Variants in MAGI1 observed in about 807,000 individuals in gnomAD.
MAGI1 encodes the protein membrane-associated guanylate kinase, WW and PDZ domain-containing protein 1.
A neutral mutation model predicts 139.9 loss-of-function variants in MAGI1; 58 were observed. The ratio of observed to expected loss-of-function variants is 0.41; its 90% CI spans 0.34 to 0.52. The LOEUF (loss-of-function observed/expected upper bound fraction) is 0.52. Among genes scored for constraint, MAGI1 ranks in the 20% least tolerant of loss-of-function variants. The pLI, the probability that MAGI1 is intolerant of heterozygous loss-of-function variation, is 0.12. For missense variants in MAGI1, 1,874 were observed against 1,901.6 expected, an observed-to-expected ratio of 0.99 and a Z score of 0.27; for synonymous variants, 812 against 737.9, an observed-to-expected ratio of 1.10 and a Z score of -1.63.
intron 1 of MAGI1, among the ~76,000 whole-genome samples, chr3:65,830,901 T>C (rs985620209): frequency 3.3e-5 from 5 of 152,110 alleles, no homozygotes; most frequent in Non-Finnish European, 7.4e-5. Context: ...TGCAAAACTA[T>C]GGAGAGGGTG....
At chr3:65,856,639 T>C (rs1182171782) in intron 1 of MAGI1, among the ~76,000 whole-genome samples, 4 of 152,182 alleles carry the variant, frequency 2.6e-5, no homozygotes, top group African/African-American at 9.6e-5. Context: ...CATTCTGACA[T>C]ATCTCAGATG....
intron 1 of MAGI1, among the ~76,000 whole-genome samples, chr3:66,001,994 T>G (rs1425337075): frequency 6.6e-6 from 1 of 152,148 alleles, no homozygotes; most frequent in African/African-American, 2.4e-5. Flanking sequence ...ACTTCCCGCC[T>G]CAAGTCTTAT....
chr3:65,943,809 AAG>A (rs955679631), intron 1 of MAGI1, among the ~76,000 whole-genome samples: 1 of 152,196 alleles, frequency 6.6e-6, no homozygotes, highest in African/African-American at 2.4e-5. Flanking sequence ...CAACATATTA[AAG>A]AGTTTCATGT....
At chr3:65,986,579 G>T (rs2065890554) in intron 1 of MAGI1, among the ~76,000 whole-genome samples, 1 of 152,184 alleles carries the variant, frequency 6.6e-6, no homozygotes, top group Admixed American at 6.5e-5. Context: ...TCCTTTTCAA[G>T]ATGTGTGCAG....
intron 13 of MAGI1, 47 bp downstream of exon 13, chr3:65,401,390 ACC>A: frequency 2.7e-6 from 1 of 368,484 alleles, no homozygotes; most frequent in Non-Finnish European, 4.5e-6. Context: ...CCAGCCCCCC[ACC>A]ATCCACCCCA....
At chr3:65,815,236 G>A (rs1018805179) in intron 1 of MAGI1, among the ~76,000 whole-genome samples, 1 of 152,208 alleles carries the variant, frequency 6.6e-6, no homozygotes, top group East Asian at 1.9e-4. Context: ...ATCTGGGAAT[G>A]AAATATCTGT....
chr3:65,657,202 G>C (rs1404788401), intron 1 of MAGI1, among the ~76,000 whole-genome samples: 1 of 151,998 alleles, frequency 6.6e-6, no homozygotes, highest in Non-Finnish European at 1.5e-5. Context: ...GTAAAGGCAG[G>C]CTAAGTAAGT....
Position 65,415,485 on chromosome 3 carries a change from C to T in MAGI1, c.2168-14015G>A, listed in dbSNP as rs572414171. Among the ~76,000 whole-genome samples, 341 of 152,272 alleles carry T rather than the reference C, an allele frequency of 2.2e-3. 1 individual carries two copies. Among genetic ancestry groups the T allele is most frequent in the Non-Finnish European group, 4.1e-3 (282 of 68,022 alleles). Reference sequence around the variant, plus strand: ...TAATCTGGAGGCTCATGGACACAGCCCAGGGCTGGCTCAGGCTGCACTGCT... The same window carrying T: ...TAATCTGGAGGCTCATGGACACAGCTCAGGGCTGGCTCAGGCTGCACTGCT... On this transcript the variant is annotated intron_variant, in intron 12 of 22. Transcript: ENST00000402939.
chr3:65,354,512 A>T lies in MAGI1; in HGVS notation c.*1866T>A, dbSNP rs1940116615. The stretch of plus-strand genomic sequence containing the variant: ...TCAATACAGAAAGAGCATTAAGTCC[A>T]TAGCACACTGCAAGAAATAAATGAG... On this transcript the variant is annotated 3_prime_UTR_variant, in exon 23 of 23. Transcript: ENST00000402939. 1 of 152,696 alleles carries T rather than the reference A, an allele frequency of 6.5e-6. No homozygotes were observed. The highest frequency in any genetic ancestry group is 1.5e-5 in the Non-Finnish European group (1 of 68,044). 9.5% of individuals were successfully genotyped at this position (152,696 alleles called of 1,614,324 possible).
At chr3:65,753,292 C>T (rs2036301841) in intron 1 of MAGI1, among the ~76,000 whole-genome samples, 1 of 152,116 alleles carries the variant, frequency 6.6e-6, no homozygotes, top group African/African-American at 2.4e-5. Flanking sequence ...ATTATAGACA[C>T]TCTGCCATCA....
intron 2 of MAGI1, among the ~76,000 whole-genome samples, chr3:65,504,565 G>A (rs78764893): frequency 0.013 from 1,965 of 152,246 alleles, 39 homozygotes; most frequent in African/African-American, 0.044. Flanking sequence ...AGGGGTGGGA[G>A]GATAAACTAG....
intron 3 of MAGI1, among the ~76,000 whole-genome samples, chr3:65,492,677 C>G (rs1009881971): frequency 6.6e-6 from 1 of 152,062 alleles, no homozygotes; most frequent in Non-Finnish European, 1.5e-5. Flanking sequence ...CATGTACATA[C>G]GCATGTGCAC....
intron 1 of MAGI1, among the ~76,000 whole-genome samples, chr3:65,630,322 A>T (rs2084220148): frequency 6.6e-6 from 1 of 152,122 alleles, no homozygotes; most frequent in Non-Finnish European, 1.5e-5. Flanking sequence ...CTAAAGGAGG[A>T]TGAGAGGCTA....
At chr3:65,906,985 A>G (rs1324925087) in intron 1 of MAGI1, among the ~76,000 whole-genome samples, 1 of 152,006 alleles carries the variant, frequency 6.6e-6, no homozygotes, top group South Asian at 2.1e-4. Context: ...AGTGGTAGAG[A>G]AATGAGATTT....
At chr3:65,390,500 C>T (rs1202890616) in intron 14 of MAGI1, among the ~76,000 whole-genome samples, 3 of 152,058 alleles carry the variant, frequency 2.0e-5, no homozygotes, top group Non-Finnish European at 4.4e-5. Context: ...TTTTGGAAAT[C>T]ATTTCATAAT....
At chr3:65,973,080 T>C (rs1454357702) in intron 1 of MAGI1, among the ~76,000 whole-genome samples, 6 of 151,852 alleles carry the variant, frequency 4.0e-5, no homozygotes, top group Non-Finnish European at 7.4e-5. Flanking sequence ...GGCCCAGGAG[T>C]TGGAGGCTGC....
At chr3:65,530,624 G>GGTGTGTGTGT (rs57337916) in intron 2 of MAGI1, among the ~76,000 whole-genome samples, 13 of 129,280 alleles carry the variant, frequency 1.0e-4, no homozygotes, top group African/African-American at 4.2e-4. Context: ...ATGTGTGTGT[G>GGTGTGTGTGT]GTGTGTGTGT....
chr3:65,845,123 C>T lies in MAGI1; in HGVS notation c.313+192873G>A, dbSNP rs2036071. 4.3e-3 allele frequency among the ~76,000 whole-genome samples: 647 copies of T among 151,858 alleles called. 9 individuals carry two copies. Among genetic ancestry groups the T allele is most frequent in the African/African-American group, 0.015 (618 of 41,432 alleles). On this transcript the variant is annotated intron_variant, in intron 1 of 22. Coordinates refer to ENST00000402939, the MANE Select transcript of MAGI1 (RefSeq NM_001033057.2). ...AAACTTAGCTGGGTGTGGTGGTGCACGCCTGTAGTCCCAGCTATTCAGGAA... is the reference window on the plus strand; with the variant it reads ...AAACTTAGCTGGGTGTGGTGGTGCATGCCTGTAGTCCCAGCTATTCAGGAA...
At chr3:66,001,565 A>T (rs994079742) in intron 1 of MAGI1, among the ~76,000 whole-genome samples, 2 of 151,544 alleles carry the variant, frequency 1.3e-5, no homozygotes, top group Non-Finnish European at 3.0e-5. Flanking sequence ...TCCGATAATT[A>T]TCCCTGTTTT....
Sources: allele counts gnomAD v4.1 joint callset (sites outside exome capture counted in the v4.1 genomes callset), GRCh38; gene constraint gnomAD v4.1.1; transcripts MANE v1.5; gene names NCBI Gene and HGNC (gene_info 2026-07-23, HGNC 2026-07-21).